TAF3: variants seen among roughly 807,000 people sequenced by gnomAD.
TAF3 encodes TATA-box binding protein associated factor 3.
A neutral mutation model predicts 80.6 loss-of-function variants in TAF3; 7 were observed. That is an observed-to-expected ratio of 0.09 (90% CI 0.05 to 0.16). The LOEUF (loss-of-function observed/expected upper bound fraction) is 0.16. TAF3 is among the 10% of genes least tolerant of loss of function. The pLI is 1.00. For synonymous variants in TAF3, 444 were observed against 446.1 expected (o/e 1.00, Z 0.06); for missense variants, 921 against 1,140.2 (o/e 0.81, Z 2.77).
At chr10:7,915,254 C>A (rs1189021901) in intron 2 of TAF3, among the ~76,000 whole-genome samples, 1 of 151,646 alleles carries the variant, frequency 6.6e-6, no homozygotes, top group South Asian at 2.1e-4. Context: ...CGCTCCCCAG[C>A]CTTTTATGAA....
chr10:7,841,130 C>T (rs1483886796), intron 2 of TAF3, among the ~76,000 whole-genome samples: 1 of 152,218 alleles, frequency 6.6e-6, no homozygotes, highest in Non-Finnish European at 1.5e-5. Context: ...GGATTACAGG[C>T]GTGAGCTGCC....
chr10:7,939,577 TACAC>T (rs71385681), intron 2 of TAF3, among the ~76,000 whole-genome samples: 8,847 of 139,176 alleles, frequency 0.064, 305 homozygotes, highest in African/African-American at 0.094. Context: ...AGAAGAAAAC[TACAC>T]ACACACACAC....
chr10:7,842,167 T>TTG (rs1836924032), intron 2 of TAF3, among the ~76,000 whole-genome samples: 3 of 94,490 alleles, frequency 3.2e-5, no homozygotes, highest in African/African-American at 1.2e-4. Context: ...TTTTTTTGTT[T>TTG]TTTTTTTTGT....
At chr10:7,851,937 G>C (rs12570800) in intron 2 of TAF3, among the ~76,000 whole-genome samples, 1 of 151,378 alleles carries the variant, frequency 6.6e-6, no homozygotes. Context: ...GAGCCACCAT[G>C]CCTGGCTTTT....
intron 2 of TAF3, among the ~76,000 whole-genome samples, chr10:7,938,957 C>A (rs1243967119): frequency 6.6e-6 from 1 of 151,990 alleles, no homozygotes; most frequent in Non-Finnish European, 1.5e-5. Flanking sequence ...TGTATAAAGC[C>A]GTAAGGATAA....
Position 7,965,208 on chromosome 10 carries a change from G to A in TAF3, c.1698G>A (p.Lys566=). The A allele has an allele frequency of 6.2e-7, 1 of 1,606,202 alleles. No homozygotes were observed. The highest frequency in any genetic ancestry group is 1.3e-5 in the African/African-American group (1 of 74,244). ...KDKVKEKEKD[K]ETGRETKYPW... is the part of the protein sequence containing the mutation. ...AAGTGAAAGAGAAAGAGAAAGACAA[G>A]GAAACTGGCAGGGAAACAAAGTATC... Residue 566 remains lysine, a synonymous_variant, in exon 3 of 7, where the codon AAG becomes AAA. Transcript: ENST00000344293.
chr10:7,972,956 T>G (rs966858487), intron 3 of TAF3, among the ~76,000 whole-genome samples: 23 of 152,296 alleles, frequency 1.5e-4, no homozygotes, highest in African/African-American at 5.3e-4. Context: ...GCCATCAATA[T>G]TACCAGAAAA....
intron 2 of TAF3, among the ~76,000 whole-genome samples, chr10:7,854,184 T>A (rs924220424): frequency 3.6e-4 from 55 of 152,164 alleles, no homozygotes; most frequent in East Asian, 1.9e-4. Context: ...GTAAGAACCA[T>A]CAGGTTTACA....
At chr10:7,872,775 C>G (rs1169016961) in intron 2 of TAF3, among the ~76,000 whole-genome samples, 2 of 152,130 alleles carry the variant, frequency 1.3e-5, no homozygotes, top group Non-Finnish European at 2.9e-5. Flanking sequence ...AATTTTGATA[C>G]AGATATCAAA....
chr10:8,008,753 G>C (rs781428667), intron 4 of TAF3, among the ~76,000 whole-genome samples: 7 of 152,150 alleles, frequency 4.6e-5, no homozygotes, highest in Non-Finnish European at 1.0e-4. Flanking sequence ...GGTGGGGAGC[G>C]CCACCTCTGA....
chr10:7,943,803 T>C (rs1393390050), intron 2 of TAF3, among the ~76,000 whole-genome samples: 1 of 152,216 alleles, frequency 6.6e-6, no homozygotes, highest in African/African-American at 2.4e-5. Flanking sequence ...AAAATACTAA[T>C]GAATTTGGAA....
intron 2 of TAF3, among the ~76,000 whole-genome samples, chr10:7,895,825 C>T (rs1017018129): frequency 3.3e-5 from 5 of 152,088 alleles, no homozygotes; most frequent in African/African-American, 4.8e-5. Flanking sequence ...AGAAAATGTG[C>T]GCAGTTTTTC....
At chr10:7,998,896 A>C (rs1831916473) in intron 4 of TAF3, among the ~76,000 whole-genome samples, 1 of 152,192 alleles carries the variant, frequency 6.6e-6, no homozygotes. Flanking sequence ...GGGCACTGGA[A>C]AAGAGTCAGG....
In TAF3 at chr10:7,990,825, T is replaced by G. The variant is rs115163816; in HGVS notation, c.2315+13502T>G. On this transcript the variant is annotated intron_variant, in intron 4 of 6. Coordinates refer to ENST00000344293, the MANE Select transcript of TAF3 (RefSeq NM_031923.4). ...CGTTAGAGAGTCCTGCTCTGAGCCC[T>G]TATCCCATAGACCTCCTCACAGAAG... 4.6e-3 allele frequency among the ~76,000 whole-genome samples: 698 copies of G among 152,290 alleles called. 7 individuals are homozygous for G. Among genetic ancestry groups the G allele is most frequent in the African/African-American group, 0.011 (463 of 41,562 alleles).
At chr10:7,905,457 T>C (rs1837599360) in intron 2 of TAF3, among the ~76,000 whole-genome samples, 1 of 152,232 alleles carries the variant, frequency 6.6e-6, no homozygotes, top group African/African-American at 2.4e-5. Flanking sequence ...TTCAACTTCA[T>C]TCACTTTTTT....
chr10:7,934,491 CTGG>C (rs1333212057), intron 2 of TAF3, among the ~76,000 whole-genome samples: 2 of 152,148 alleles, frequency 1.3e-5, no homozygotes, highest in Non-Finnish European at 2.9e-5. Context: ...GTCACCCAGG[CTGG>C]AGTGCAGTGG....
chr10:7,880,944 G>T (rs1489089116), intron 2 of TAF3, among the ~76,000 whole-genome samples: 1 of 152,048 alleles, frequency 6.6e-6, no homozygotes, highest in Non-Finnish European at 1.5e-5. Context: ...ATTACAAAAG[G>T]ATTCTCTTAG....
In TAF3 at chr10:8,009,385, G is replaced by C; in HGVS notation, c.2568+55G>C. On this transcript the variant is annotated intron_variant, in intron 5 of 6. Coordinates refer to ENST00000344293, the MANE Select transcript of TAF3 (RefSeq NM_031923.4). The surrounding 1 kb of genome is among the most constrained non-coding windows in gnomAD (Gnocchi z 4.1). ...TGGAGACGTTTTCAGATCGAGACAA[G>C]TGTGTGCTCTGAATCACTATCGAAT... The C allele has an allele frequency of 1.3e-6, 2 of 1,533,388 alleles. No homozygotes were observed. The highest frequency in any genetic ancestry group is 2.3e-5 in the South Asian group (2 of 85,444). 95.0% of individuals were successfully genotyped at this position (1,533,388 alleles called of 1,614,324 possible).
intron 2 of TAF3, among the ~76,000 whole-genome samples, chr10:7,827,188 G>A (rs942731417): frequency 6.6e-6 from 1 of 152,164 alleles, no homozygotes; most frequent in Non-Finnish European, 1.5e-5. Flanking sequence ...GGACCTCACG[G>A]CATCACTGAG....
Sources: gnomAD v4.1 joint callset for allele counts (sites outside exome capture counted in the v4.1 genomes callset) on GRCh38, gnomAD v4.1.1 for gene constraint, Gnocchi (gnomAD v3.1) non-coding constraint, MANE v1.5 for transcripts, NCBI Gene and HGNC (gene_info 2026-07-23, HGNC 2026-07-21) for gene names.